Variants in FAM193A observed in about 807,000 individuals in gnomAD.
The protein encoded by FAM193A is family with sequence similarity 193 member A.
FAM193A carries 22 observed loss-of-function variants against 126.5 expected under a neutral mutation model. The observed-to-expected ratio is 0.17, with a 90% CI of 0.12 to 0.25. The LOEUF (loss-of-function observed/expected upper bound fraction) is 0.25. Among genes scored for constraint, FAM193A ranks in the 10% least tolerant of loss-of-function variants. FAM193A has a pLI of 1.00. For synonymous variants in FAM193A, 761 were observed against 646.8 expected, an observed-to-expected ratio of 1.18 and a Z score of -2.68; for missense variants, 1,675 against 1,672.8, an observed-to-expected ratio of 1.00 and a Z score of -0.02.
At chr4:2,551,166 G>C (rs1230838619) in intron 1 of FAM193A, among the ~76,000 whole-genome samples, 2 of 152,108 alleles carry the variant, frequency 1.3e-5, no homozygotes, top group African/African-American at 4.8e-5. Context: ...TTTTCATGAG[G>C]GATGTTTGTC....
At chr4:2,550,400 A>G (rs1162703171) in intron 1 of FAM193A, among the ~76,000 whole-genome samples, 2 of 151,160 alleles carry the variant, frequency 1.3e-5, no homozygotes, top group Non-Finnish European at 2.9e-5. Flanking sequence ...AACCAGCTTT[A>G]CATTCCTAGA....
At chr4:2,702,896 T>C (rs1717897315) in intron 19 of FAM193A, among the ~76,000 whole-genome samples, 1 of 152,188 alleles carries the variant, frequency 6.6e-6, no homozygotes, top group South Asian at 2.1e-4. Flanking sequence ...TACAATTACG[T>C]TATTGATTGA....
At chr4:2,629,286 C>G (rs1046243652) in intron 4 of FAM193A, among the ~76,000 whole-genome samples, 3 of 150,882 alleles carry the variant, frequency 2.0e-5, no homozygotes, top group Admixed American at 6.6e-5. Context: ...CAGTCTGCTT[C>G]TAAGTTTGGT....
At chr4:2,619,263 G>A (rs1041466641) in intron 2 of FAM193A, among the ~76,000 whole-genome samples, 14 of 151,876 alleles carry the variant, frequency 9.2e-5, no homozygotes, top group African/African-American at 2.9e-4. Context: ...ATTCTTGACA[G>A]TTGTATCATC....
At position 2,662,854 on chromosome 4, in the gene FAM193A, G is replaced by C; in HGVS notation, c.1762G>C (p.Asp588His). The C allele has an allele frequency of 6.2e-7, 1 of 1,610,072 alleles. No homozygotes were observed. The highest frequency in any genetic ancestry group is 8.5e-7 in the Non-Finnish European group (1 of 1,176,572). ...TTGTGTCAGTTGTAGTGATGATGAA[G>C]ATGTTGCACCATTGTCAGCCAAATT... ...SAPTFCSDDE[D>H]VAPLSAKFAD... Residue 588 changes from aspartate to histidine, a missense_variant, in exon 11 of 21, where the codon GAT becomes CAT. Asp to His is a moderately conservative substitution (Grantham distance 81). This residue lies in a region of FAM193A where 1,186 missense variants were observed against 1,109.2 expected (regional missense o/e 1.07). Transcript: ENST00000637812.
chr4:2,651,420 G>A (rs538161045), intron 7 of FAM193A, among the ~76,000 whole-genome samples: 50 of 152,312 alleles, frequency 3.3e-4, no homozygotes, highest in Admixed American at 2.7e-3. Context: ...CCGCATGGCT[G>A]GGGAGGCCTT....
intron 2 of FAM193A, among the ~76,000 whole-genome samples, chr4:2,603,156 G>GTATATA (rs199859317): frequency 1.4e-5 from 2 of 145,702 alleles, no homozygotes; most frequent in Non-Finnish European, 3.0e-5. Context: ...ATATATATAT[G>GTATATA]TATATATATA....
chr4:2,569,842 G>A (rs1356854726), intron 1 of FAM193A, among the ~76,000 whole-genome samples: 2 of 152,086 alleles, frequency 1.3e-5, no homozygotes, highest in Admixed American at 6.6e-5. Context: ...TTCATAATTG[G>A]TTGGACTCCA....
intron 18 of FAM193A, among the ~76,000 whole-genome samples, chr4:2,697,145 A>C (rs1017060971): frequency 2.0e-5 from 3 of 152,178 alleles, no homozygotes; most frequent in Non-Finnish European, 4.4e-5. Context: ...AGACATGAGC[A>C]GTTCCCTCCT....
intron 13 of FAM193A, among the ~76,000 whole-genome samples, chr4:2,676,919 C>T (rs567570998): frequency 1.6e-4 from 25 of 151,858 alleles, no homozygotes; most frequent in South Asian, 6.2e-4. Flanking sequence ...CCAGCTTGGG[C>T]GACAGAGCAA....
intron 1 of FAM193A, among the ~76,000 whole-genome samples, chr4:2,542,091 C>T (rs907704758): frequency 6.6e-6 from 1 of 151,908 alleles, no homozygotes; most frequent in Non-Finnish European, 1.5e-5. Flanking sequence ...TCTTAGCTCA[C>T]TGCAACCTCC....
intron 1 of FAM193A, among the ~76,000 whole-genome samples, chr4:2,569,029 G>T (rs889862380): frequency 1.4e-5 from 2 of 142,212 alleles, no homozygotes; most frequent in African/African-American, 5.4e-5. Flanking sequence ...GAGTGTAATG[G>T]TATGATCTCG....
intron 19 of FAM193A, among the ~76,000 whole-genome samples, chr4:2,711,409 G>T (rs951888193): frequency 6.6e-6 from 1 of 151,302 alleles, no homozygotes; most frequent in East Asian, 2.0e-4. Flanking sequence ...GCATGATCTC[G>T]GCTCACTGCC....
At chr4:2,692,409 T>C (rs933626110) in intron 15 of FAM193A, among the ~76,000 whole-genome samples, 1 of 152,148 alleles carries the variant, frequency 6.6e-6, no homozygotes, top group African/African-American at 2.4e-5. Flanking sequence ...AAATTCAAGA[T>C]GAGATTTGTG....
At chr4:2,561,621 C>G (rs28542723) in intron 1 of FAM193A, among the ~76,000 whole-genome samples, 22 of 151,558 alleles carry the variant, frequency 1.5e-4, no homozygotes, top group African/African-American at 5.3e-4. Flanking sequence ...CTCAGCCTGC[C>G]GAGTAGCTGG....
At chr4:2,629,887 C>T (rs944801720) in intron 4 of FAM193A, among the ~76,000 whole-genome samples, 2 of 152,192 alleles carry the variant, frequency 1.3e-5, no homozygotes, top group Non-Finnish European at 2.9e-5. Context: ...AGTCCCAGTA[C>T]TTTGAGAGGC....
intron 18 of FAM193A, among the ~76,000 whole-genome samples, chr4:2,697,042 A>G (rs1376392830): frequency 6.6e-6 from 1 of 152,124 alleles, no homozygotes; most frequent in South Asian, 2.1e-4. Flanking sequence ...AGGTCTGAGC[A>G]TGTCCCCCAT....
intron 19 of FAM193A, among the ~76,000 whole-genome samples, chr4:2,712,770 T>A (rs552684720): frequency 2.8e-4 from 43 of 152,246 alleles, no homozygotes; most frequent in African/African-American, 6.0e-4. Flanking sequence ...TGGGTTTTTT[T>A]AAAATGTGTT....
chr4:2,635,308 G>A (rs1196909680), intron 5 of FAM193A, among the ~76,000 whole-genome samples: 3 of 152,210 alleles, frequency 2.0e-5, no homozygotes, highest in Admixed American at 2.0e-4. Context: ...TTTGGACTTA[G>A]GCCCCTTTAT....
Sources: allele counts gnomAD v4.1 joint callset (sites outside exome capture counted in the v4.1 genomes callset), GRCh38; gene constraint gnomAD v4.1.1; regional missense constraint gnomAD v4.1.1; transcripts MANE v1.5; gene names NCBI Gene and HGNC (gene_info 2026-07-23, HGNC 2026-07-21).